The following GSE1 variants were observed in gnomAD, a reference collection of about 807,000 sequenced individuals.
GSE1 encodes the protein genetic suppressor element 1.
Under a neutral mutation model 112.6 loss-of-function variants are expected in GSE1, and 32 were observed. That is an observed-to-expected ratio of 0.28 (90% CI 0.21 to 0.38). The LOEUF is 0.38. GSE1 is among the 10% of genes least tolerant of loss of function. GSE1 has a pLI of 1.00. For synonymous variants in GSE1, 1,115 were observed against 735.6 expected, an observed-to-expected ratio of 1.52 and a Z score of -8.35; for missense variants, 2,348 against 1,699.2, an observed-to-expected ratio of 1.38 and a Z score of -6.71.
At chr16:85,321,642 A>T (rs1329126746) in intron 1 of GSE1, among the ~76,000 whole-genome samples, 1 of 151,856 alleles carries the variant, frequency 6.6e-6, no homozygotes, top group Non-Finnish European at 1.5e-5. Flanking sequence ...CTCTTAAAAA[A>T]ATTTTGTTAA....
At chr16:85,380,456 G>C (rs2047520611) in intron 2 of GSE1, among the ~76,000 whole-genome samples, 1 of 152,174 alleles carries the variant, frequency 6.6e-6, no homozygotes, top group Non-Finnish European at 1.5e-5. Context: ...CTGTAGCGTA[G>C]GGAACCATTT....
At chr16:85,454,564 C>T (rs1448458666) in intron 2 of GSE1, among the ~76,000 whole-genome samples, 1 of 152,244 alleles carries the variant, frequency 6.6e-6, no homozygotes, top group African/African-American at 2.4e-5. Context: ...TCACCCTAAA[C>T]CAGGGGCCTC....
chr16:85,334,630 G>C (rs1287030755), intron 1 of GSE1, among the ~76,000 whole-genome samples: 1 of 152,200 alleles, frequency 6.6e-6, no homozygotes, highest in East Asian at 1.9e-4. Flanking sequence ...CTTGTGAGGA[G>C]CCCCTTATTG....
chr16:85,510,980 TA>T (rs1338577410), intron 2 of GSE1, among the ~76,000 whole-genome samples: 1 of 152,246 alleles, frequency 6.6e-6, no homozygotes, highest in East Asian at 1.9e-4. Context: ...TCTCTGGCTT[TA>T]TTTTTCCACT....
intron 1 of GSE1, chr16:85,185,039 G>T (rs1169053327): frequency 2.0e-5 from 3 of 152,176 alleles, no homozygotes; most frequent in Admixed American, 6.5e-5. Context: ...ACTACAGTTT[G>T]GATTTGTCTT....
At chr16:85,581,068 G>A (rs879020985) in intron 1 of GSE1, among the ~76,000 whole-genome samples, 1 of 152,224 alleles carries the variant, frequency 6.6e-6, no homozygotes, top group South Asian at 2.1e-4. Flanking sequence ...GACACTGGTG[G>A]TTGGCTGATT....
At chr16:85,613,189 G>T (rs2048109193), upstream of GSE1, 7 of 1,425,088 alleles carry the variant, frequency 4.9e-6, no homozygotes, top group East Asian at 2.1e-4. Context: ...AGTGGCCCGG[G>T]AGTGGGCGGC....
intron 1 of GSE1, among the ~76,000 whole-genome samples, chr16:85,247,094 CT>C (rs1343370804): frequency 6.6e-6 from 1 of 152,178 alleles, no homozygotes; most frequent in African/African-American, 2.4e-5. Flanking sequence ...GTCCCGGAAG[CT>C]TTCCTTGACC....
At chr16:85,442,787 C>G (rs959823506) in intron 2 of GSE1, among the ~76,000 whole-genome samples, 1 of 152,170 alleles carries the variant, frequency 6.6e-6, no homozygotes, top group African/African-American at 2.4e-5. Context: ...CCACAAATGC[C>G]GTGGTTGGAA....
chr16:85,621,527 G>A (rs914057392), intron 1 of GSE1, among the ~76,000 whole-genome samples: 1 of 152,184 alleles, frequency 6.6e-6, no homozygotes, highest in African/African-American at 2.4e-5. Flanking sequence ...TAGGACTAAG[G>A]AAGTTAATCC....
At chr16:85,344,563 T>C (rs1374508162) in intron 1 of GSE1, among the ~76,000 whole-genome samples, 1 of 152,202 alleles carries the variant, frequency 6.6e-6, no homozygotes, top group Non-Finnish European at 1.5e-5. Context: ...TCCCCGTTTA[T>C]CCTTCAGTGC....
At chr16:85,667,376 G>A (rs1234420981) in intron 13 of GSE1, among the ~76,000 whole-genome samples, 2 of 152,256 alleles carry the variant, frequency 1.3e-5, no homozygotes, top group Non-Finnish European at 2.9e-5. Context: ...CGGGAGGCCA[G>A]GTGTGCTCCT....
intron 1 of GSE1, among the ~76,000 whole-genome samples, chr16:85,557,272 AC>A (rs1474339916): frequency 6.6e-6 from 1 of 152,162 alleles, no homozygotes; most frequent in Non-Finnish European, 1.5e-5. Flanking sequence ...AGGTGGGGCC[AC>A]GTGACGCAGG....
intron 1 of GSE1, among the ~76,000 whole-genome samples, chr16:85,257,046 A>G (rs994508270): frequency 6.6e-6 from 1 of 152,168 alleles, no homozygotes; most frequent in African/African-American, 2.4e-5. Flanking sequence ...CATGGGACAT[A>G]GGGAGGTTGA....
upstream of GSE1, among the ~76,000 whole-genome samples, chr16:85,612,834 G>C (rs901458284): frequency 2.0e-5 from 3 of 152,232 alleles, no homozygotes; most frequent in Admixed American, 6.5e-5. Context: ...TATTGGGCCT[G>C]CTCTGTGTCA....
intron 2 of GSE1, among the ~76,000 whole-genome samples, chr16:85,421,739 C>T (rs1332237130): frequency 3.9e-5 from 6 of 152,072 alleles, no homozygotes; most frequent in African/African-American, 9.7e-5. Context: ...TGGTGGCTTC[C>T]GGTCGTCCTG....
At chr16:85,595,725 CCT>C (rs1263405407) in intron 1 of GSE1, 1 of 151,476 alleles carries the variant, frequency 6.6e-6, no homozygotes, top group East Asian at 1.9e-4. Context: ...TGCACCTATT[CCT>C]CTCTCTATCC....
intron 2 of GSE1, among the ~76,000 whole-genome samples, chr16:85,397,233 T>C (rs1226640606): frequency 6.6e-6 from 1 of 152,194 alleles, no homozygotes; most frequent in African/African-American, 2.4e-5. Flanking sequence ...TTCTCCCCTT[T>C]TGCATTGGGG....
At chr16:85,470,842 T>A (rs891219307) in intron 2 of GSE1, among the ~76,000 whole-genome samples, 2 of 152,170 alleles carry the variant, frequency 1.3e-5, no homozygotes, top group Non-Finnish European at 2.9e-5. Context: ...ACCGTGGCAG[T>A]TTGGTAGCTT....
Sources: gnomAD v4.1 joint callset for allele counts (sites outside exome capture counted in the v4.1 genomes callset) on GRCh38, gnomAD v4.1.1 for gene constraint, MANE v1.5 for transcripts, NCBI Gene and HGNC (gene_info 2026-07-23, HGNC 2026-07-21) for gene names.